KDM7A: variants seen among roughly 807,000 people sequenced by gnomAD.
The protein encoded by KDM7A is lysine demethylase 7A.
Under a neutral mutation model 114.8 loss-of-function variants are expected in KDM7A, and 28 were observed. The ratio of observed to expected loss-of-function variants is 0.24; its 90% CI spans 0.18 to 0.33. The LOEUF is 0.33. KDM7A is among the 10% of genes least tolerant of loss of function. The pLI is 1.00. For synonymous variants in KDM7A, 423 were observed against 397.8 expected (o/e 1.06, Z -0.75); for missense variants, 942 against 1,142.5 (o/e 0.82, Z 2.53).
intron 1 of KDM7A, among the ~76,000 whole-genome samples, chr7:140,169,256 C>T (rs1252229536): frequency 1.3e-5 from 2 of 151,992 alleles, no homozygotes; most frequent in African/African-American, 4.8e-5. Flanking sequence ...CAAAAAAGAC[C>T]AGAAACTTGG....
intron 1 of KDM7A, among the ~76,000 whole-genome samples, chr7:140,152,605 G>A (rs889830538): frequency 3.4e-5 from 5 of 148,982 alleles, no homozygotes; most frequent in African/African-American, 1.2e-4. Context: ...CAGCCTGGGC[G>A]AGAGTGAGAC....
rs1345828473 is a variant in KDM7A, at chr7:140,113,113, AC to A, written c.1338+377del. ...TATGTAGAATGGTGGTACCAACAGC[AC>A]CTAGACCTCACACAGTTGGCATTGA... On this transcript the variant is annotated intron_variant, in intron 10 of 19. Coordinates refer to ENST00000397560, the MANE Select transcript of KDM7A (RefSeq NM_030647.2). 7.9e-5 allele frequency among the ~76,000 whole-genome samples: 12 copies of A among 152,228 alleles called. 1 individual carries two copies. The highest frequency in any genetic ancestry group is 2.9e-4 in the African/African-American group (12 of 41,448).
intron 2 of KDM7A, among the ~76,000 whole-genome samples, chr7:140,137,158 CAG>C (rs1056369556): frequency 1.3e-5 from 2 of 152,078 alleles, no homozygotes; most frequent in Non-Finnish European, 2.9e-5. Context: ...TGTAAGTACA[CAG>C]AGTTGGACGT....
chr7:140,162,885 T>G (rs1249284714), intron 1 of KDM7A, among the ~76,000 whole-genome samples: 1 of 152,068 alleles, frequency 6.6e-6, no homozygotes, highest in East Asian at 1.9e-4. Context: ...AGAATAGAAT[T>G]CTATGCAGCT....
At chr7:140,149,767 A>G (rs1794378883) in intron 1 of KDM7A, among the ~76,000 whole-genome samples, 1 of 152,232 alleles carries the variant, frequency 6.6e-6, no homozygotes, top group Non-Finnish European at 1.5e-5. Flanking sequence ...GAATTTGGTA[A>G]GAACTTTGTA....
In KDM7A at chr7:140,087,781, T is replaced by C. The variant is rs1817954430; in HGVS notation, c.*3313A>G. ...CCATATTAATTACCAAGTTGAAGCA[T>C]TTCTTTAATTGTGAAATTACTTTCA... On this transcript the variant is annotated 3_prime_UTR_variant, in exon 20 of 20. Coordinates refer to ENST00000397560, the MANE Select transcript of KDM7A (RefSeq NM_030647.2). 1 of 152,218 alleles carries C rather than the reference T, an allele frequency of 6.6e-6. No homozygotes were observed. The highest frequency in any genetic ancestry group is 2.4e-5 in the African/African-American group (1 of 41,462). 9.4% of individuals were successfully genotyped at this position (152,218 alleles called of 1,614,324 possible).
chr7:140,100,750 A>T (rs141517600), intron 12 of KDM7A, among the ~76,000 whole-genome samples: 39,648 of 98,962 alleles, frequency 0.4, 6,577 homozygotes, highest in Middle Eastern at 0.48. Flanking sequence ...ATACATATAT[A>T]TTTTTTTGTT....
At chr7:140,164,432 C>G (rs1470370551) in intron 1 of KDM7A, among the ~76,000 whole-genome samples, 1 of 152,198 alleles carries the variant, frequency 6.6e-6, no homozygotes, top group East Asian at 1.9e-4. Context: ...GTAGCAACCA[C>G]TCTGCCACTC....
intron 1 of KDM7A, among the ~76,000 whole-genome samples, chr7:140,159,946 A>T (rs1294351492): frequency 1.8e-5 from 1 of 55,640 alleles, no homozygotes; most frequent in Non-Finnish European, 3.9e-5. Context: ...GACTTCCATT[A>T]AAAAAAAAAA....
intron 18 of KDM7A, 87 bp downstream of exon 18, chr7:140,093,969 T>C: frequency 1.2e-6 from 1 of 827,608 alleles, no homozygotes; most frequent in Non-Finnish European, 2.1e-6. Flanking sequence ...AGTTGATAAC[T>C]GGTTGTTACA....
rs184288541 is a variant in KDM7A at position 140,133,465 on chromosome 7, T to C, written c.398+74A>G. On this transcript the variant is annotated intron_variant, in intron 3 of 19. Coordinates refer to ENST00000397560, the MANE Select transcript of KDM7A (RefSeq NM_030647.2). The stretch of plus-strand genomic sequence containing the variant: ...GCAGCCTAAGTTTGAAAACATTGCC[T>C]TTATATAATGTCACTCTATGAGACG... 2.9e-3 allele frequency: 2,486 copies of C among 847,338 alleles called. 7 individuals are homozygous for C. The highest frequency in any genetic ancestry group is 4.2e-3 in the Non-Finnish European group (2,167 of 520,062). The allele number at this position is 847,338 out of a possible 1,614,324, so 52.5% of individuals were successfully genotyped here.
intron 1 of KDM7A, among the ~76,000 whole-genome samples, chr7:140,167,580 T>C (rs558576383): frequency 6.6e-6 from 1 of 152,016 alleles, no homozygotes; most frequent in Non-Finnish European, 1.5e-5. Context: ...TTAGAAAAAA[T>C]TCTATTTATA....
intron 6 of KDM7A, among the ~76,000 whole-genome samples, chr7:140,125,121 C>T (rs1818678974): frequency 6.6e-6 from 1 of 152,192 alleles, no homozygotes. Flanking sequence ...CCACAGTCAT[C>T]TCTGCAAGCT....
intron 1 of KDM7A, among the ~76,000 whole-genome samples, chr7:140,147,607 T>C (rs1310289577): frequency 3.3e-5 from 5 of 152,168 alleles, no homozygotes; most frequent in Non-Finnish European, 7.4e-5. Flanking sequence ...GACTGAGTCA[T>C]TGTGTACCCC....
At chr7:140,122,383 A>C (rs1228010062) in intron 7 of KDM7A, among the ~76,000 whole-genome samples, 1 of 152,180 alleles carries the variant, frequency 6.6e-6, no homozygotes, top group East Asian at 1.9e-4. Flanking sequence ...TCAATTTATG[A>C]TTATATTAGA....
At chr7:140,106,353 T>C (rs1818338064) in intron 11 of KDM7A, among the ~76,000 whole-genome samples, 1 of 152,198 alleles carries the variant, frequency 6.6e-6, no homozygotes, top group African/African-American at 2.4e-5. Context: ...TGCTCTTGCT[T>C]CTCTAGTTCT....
chr7:140,096,197 CT>C (rs1247339972), intron 17 of KDM7A, among the ~76,000 whole-genome samples: 1 of 152,086 alleles, frequency 6.6e-6, no homozygotes, highest in African/African-American at 2.4e-5. Context: ...TATTTTTCCT[CT>C]CATAAAAGGA....
At position 140,100,673 on chromosome 7, in the gene KDM7A, TATATATACATATATAC is replaced by T. The variant is rs1176582514; in HGVS notation, c.1639-666_1639-651del. Among the ~76,000 whole-genome samples, 228 of 39,540 alleles carry T rather than the reference TATATATACATATATAC, an allele frequency of 5.8e-3. 8 individuals carry two copies. Among genetic ancestry groups the T allele is most frequent in the African/African-American group, 0.024 (210 of 8,890 alleles). The allele number at this position is 39,540 out of a possible 152,430, so 25.9% of individuals were successfully genotyped here. A position where few individuals can be genotyped will look rare whatever the true frequency, so the allele number is the denominator to read the frequency against. The stretch of plus-strand genomic sequence containing the variant: ...TATTTTAAAAAGTTATATATATATA[TATATATACATATATAC>T]ATATATATATATATATATACACATA... On this transcript the variant is annotated intron_variant, in intron 12 of 19. Coordinates refer to ENST00000397560, the MANE Select transcript of KDM7A (RefSeq NM_030647.2).
At chr7:140,121,757 A>T (rs190320055) in intron 7 of KDM7A, among the ~76,000 whole-genome samples, 2 of 152,284 alleles carry the variant, frequency 1.3e-5, no homozygotes, top group Non-Finnish European at 2.9e-5. Flanking sequence ...AGCCTGTCCT[A>T]TTAACTATCT....
Sources: allele counts gnomAD v4.1 joint callset (sites outside exome capture counted in the v4.1 genomes callset), GRCh38; gene constraint gnomAD v4.1.1; transcripts MANE v1.5; gene names NCBI Gene and HGNC (gene_info 2026-07-23, HGNC 2026-07-21).